Variants in SAMTOR observed in about 807,000 individuals in gnomAD.
The protein encoded by SAMTOR is S-adenosylmethionine sensor upstream of mTORC1.
chr7:112,826,756 A>T, the SAMTOR span, among the ~76,000 whole-genome samples: 2 of 152,084 alleles, frequency 1.3e-5, no homozygotes. Flanking sequence ...ATTTTCCCCT[A>T]AGTACTACTT....
At chr7:112,851,621 G>GC in the SAMTOR span, among the ~76,000 whole-genome samples, 11 of 151,922 alleles carry the variant, frequency 7.2e-5, no homozygotes, top group African/African-American at 2.7e-4. Context: ...ATTGGTCTAG[G>GC]CATGAATTCA....
chr7:112,934,178 T>C, the SAMTOR span, among the ~76,000 whole-genome samples: 87,340 of 151,896 alleles, frequency 0.57, 29,088 homozygotes, highest in East Asian at 0.9. Context: ...GTACTCCCTG[T>C]GTTCTGTGAT....
the SAMTOR span, among the ~76,000 whole-genome samples, chr7:112,898,492 C>T: frequency 3.9e-5 from 6 of 152,202 alleles, no homozygotes; most frequent in Non-Finnish European, 8.8e-5. Context: ...CAGGCAGAAT[C>T]CTAAAGCCCC....
chr7:112,900,876 C>T, the SAMTOR span, among the ~76,000 whole-genome samples: 1 of 152,154 alleles, frequency 6.6e-6, no homozygotes, highest in African/African-American at 2.4e-5. Flanking sequence ...AGACCTTACA[C>T]CTTTGACAAA....
At chr7:112,898,671 G>C in the SAMTOR span, among the ~76,000 whole-genome samples, 1 of 152,314 alleles carries the variant, frequency 6.6e-6, no homozygotes, top group Non-Finnish European at 1.5e-5. Context: ...ATATGACCCA[G>C]CATGAGGCCA....
At chr7:112,863,037 A>C in the SAMTOR span, among the ~76,000 whole-genome samples, 1 of 152,132 alleles carries the variant, frequency 6.6e-6, no homozygotes, top group Non-Finnish European at 1.5e-5. Context: ...ACTATACTAC[A>C]GGGCTACAGT....
the SAMTOR span, among the ~76,000 whole-genome samples, chr7:112,824,603 C>T: frequency 2.0e-5 from 3 of 152,040 alleles, no homozygotes; most frequent in Non-Finnish European, 2.9e-5. Flanking sequence ...TCTTGTGATC[C>T]GCCCACCTTG....
chr7:112,900,639 CTA>C, the SAMTOR span, among the ~76,000 whole-genome samples: 1 of 152,144 alleles, frequency 6.6e-6, no homozygotes, highest in South Asian at 2.1e-4. Context: ...TCAAGACTTA[CTA>C]TAAAGCTACA....
the SAMTOR span, among the ~76,000 whole-genome samples, chr7:112,852,164 C>G: frequency 6.6e-6 from 1 of 152,082 alleles, no homozygotes; most frequent in African/African-American, 2.4e-5. Flanking sequence ...GTATGTTGAT[C>G]ACAGCACTAT....
the SAMTOR span, among the ~76,000 whole-genome samples, chr7:112,881,566 G>T: frequency 6.5e-3 from 993 of 152,244 alleles, 7 homozygotes; most frequent in African/African-American, 0.023. Flanking sequence ...AGGTCTCCTC[G>T]ACTCATTGGG....
chr7:112,916,925 A>G, the SAMTOR span, among the ~76,000 whole-genome samples: 4 of 152,216 alleles, frequency 2.6e-5, no homozygotes. Context: ...TTGCTTAGGT[A>G]AACAAAGCAG....
At chr7:112,914,513 T>C in the SAMTOR span, among the ~76,000 whole-genome samples, 1 of 152,106 alleles carries the variant, frequency 6.6e-6, no homozygotes, top group African/African-American at 2.4e-5. Flanking sequence ...CTGATATTTT[T>C]AGCATTAGAA....
the SAMTOR span, among the ~76,000 whole-genome samples, chr7:112,901,317 C>T: frequency 6.6e-6 from 1 of 152,150 alleles, no homozygotes; most frequent in Admixed American, 6.5e-5. Flanking sequence ...ACTAGATTCT[C>T]ATAGAAGCAC....
the SAMTOR span, among the ~76,000 whole-genome samples, chr7:112,902,433 A>AAAAAAAAAG: frequency 8.9e-6 from 1 of 112,250 alleles, no homozygotes; most frequent in African/African-American, 4.0e-5. Context: ...AAAAAACAAA[A>AAAAAAAAAG]AAAAACAAAA....
the SAMTOR span, among the ~76,000 whole-genome samples, chr7:112,881,001 G>A: frequency 4.6e-5 from 7 of 151,716 alleles, no homozygotes; most frequent in Admixed American, 3.9e-4. Context: ...ACCCTCCTGG[G>A]CGCAGCTGTT....
chr7:112,910,235 C>T, the SAMTOR span, among the ~76,000 whole-genome samples: 1 of 151,728 alleles, frequency 6.6e-6, no homozygotes, highest in South Asian at 2.1e-4. Context: ...AAAAAATAAA[C>T]CCCACAACCC....
the SAMTOR span, among the ~76,000 whole-genome samples, chr7:112,894,276 G>GAATAAGTTCACTGTCTTATATGGTTGAT: frequency 6.6e-6 from 1 of 152,088 alleles, no homozygotes; most frequent in African/African-American, 2.4e-5. Flanking sequence ...GACATTTATT[G>GAATAAGTTCACTGTCTTATATGGTTGAT]AATAAGTTCA....
chr7:112,852,089 T>C, the SAMTOR span, among the ~76,000 whole-genome samples: 1 of 152,116 alleles, frequency 6.6e-6, no homozygotes, highest in Non-Finnish European at 1.5e-5. Flanking sequence ...CCATTCAATC[T>C]AGCAATCCCA....
chr7:112,892,176 C>T, the SAMTOR span, among the ~76,000 whole-genome samples: 7 of 152,208 alleles, frequency 4.6e-5, no homozygotes, highest in African/African-American at 4.8e-5. Context: ...CCATAAGAAA[C>T]GACTCCTCAT....
Sources: gnomAD v4.1 joint callset for allele counts (sites outside exome capture counted in the v4.1 genomes callset) on GRCh38, gnomAD v4.1.1 for gene constraint, MANE v1.5 for transcripts, NCBI Gene and HGNC (gene_info 2026-07-23, HGNC 2026-07-21) for gene names.